The following NOX3 variants were observed in gnomAD, a reference collection of about 807,000 sequenced individuals.
NOX3 encodes NADPH oxidase 3.
NOX3 carries 74 observed loss-of-function variants against 76.7 expected under a neutral mutation model. The observed-to-expected ratio is 0.96, with a 90% CI of 0.80 to 1.17. The LOEUF is 1.17. Ranked by LOEUF, NOX3 falls within the 50% of genes most tolerant of loss-of-function variation. NOX3 has a pLI of 0.00. For synonymous variants in NOX3, 263 were observed against 261.1 expected (o/e 1.01, Z -0.07); for missense variants, 695 against 703.3 (o/e 0.99, Z 0.13).
At chr6:155,446,104 C>G (rs79747357) in intron 4 of NOX3, among the ~76,000 whole-genome samples, 2 of 151,050 alleles carry the variant, frequency 1.3e-5, no homozygotes, top group Non-Finnish European at 2.9e-5. Context: ...ATAGTGTTTC[C>G]GCATCGTGAT....
chr6:155,436,143 C>T (rs1302864564), intron 7 of NOX3, among the ~76,000 whole-genome samples: 1 of 152,148 alleles, frequency 6.6e-6, no homozygotes, highest in Non-Finnish European at 1.5e-5. Context: ...AGGCTGACTC[C>T]TCCAGGGACA....
intron 10 of NOX3, among the ~76,000 whole-genome samples, chr6:155,417,499 T>A (rs1230831835): frequency 6.6e-6 from 1 of 152,114 alleles, no homozygotes; most frequent in Non-Finnish European, 1.5e-5. Context: ...CACAGAGCAA[T>A]GGTGAGGGCT....
chr6:155,423,059 T>G (rs1776711564), intron 9 of NOX3, among the ~76,000 whole-genome samples: 1 of 152,200 alleles, frequency 6.6e-6, no homozygotes, highest in Non-Finnish European at 1.5e-5. Flanking sequence ...ACAACGAGGT[T>G]GTCCTGGCCC....
chr6:155,443,835 T>C (rs1224869180), intron 4 of NOX3, among the ~76,000 whole-genome samples: 3 of 149,878 alleles, frequency 2.0e-5, no homozygotes, highest in African/African-American at 4.9e-5. Context: ...TATATGATAC[T>C]GTACAAAAAT....
At chr6:155,398,781 A>G (rs749774145) in intron 12 of NOX3, among the ~76,000 whole-genome samples, 5 of 152,160 alleles carry the variant, frequency 3.3e-5, no homozygotes, top group Non-Finnish European at 7.3e-5. Context: ...GGGCATGTCA[A>G]TTACCTTCAC....
intron 12 of NOX3, among the ~76,000 whole-genome samples, chr6:155,403,829 T>C (rs938134339): frequency 6.6e-6 from 1 of 152,224 alleles, no homozygotes; most frequent in African/African-American, 2.4e-5. Flanking sequence ...TCCGTGTTCC[T>C]GGCTCATGCC....
intron 4 of NOX3, among the ~76,000 whole-genome samples, chr6:155,446,469 T>A (rs913594019): frequency 6.6e-6 from 1 of 152,194 alleles, no homozygotes; most frequent in African/African-American, 2.4e-5. Context: ...TTACCTGATT[T>A]AACCCTCCTC....
chr6:155,429,177 T>C, intron 8 of NOX3, 130 bp from the exon 9 acceptor site: 1 of 857,782 alleles, frequency 1.2e-6, no homozygotes. Flanking sequence ...CCATCTGCTG[T>C]TAGCTCCCAA....
At chr6:155,426,256 C>T (rs1158890627) in intron 9 of NOX3, among the ~76,000 whole-genome samples, 2 of 152,120 alleles carry the variant, frequency 1.3e-5, no homozygotes, top group East Asian at 3.9e-4. Context: ...TCATTTTTAT[C>T]GAGCCCATAA....
chr6:155,411,574 A>G (rs975001252), intron 10 of NOX3, among the ~76,000 whole-genome samples: 11 of 152,228 alleles, frequency 7.2e-5, no homozygotes, highest in Non-Finnish European at 1.5e-4. Flanking sequence ...GAGTGAATTC[A>G]GAGAGTCAGG....
chr6:155,400,383 A>T (rs937208740), intron 12 of NOX3, among the ~76,000 whole-genome samples: 6 of 144,064 alleles, frequency 4.2e-5, no homozygotes, highest in African/African-American at 5.4e-5. Context: ...AACCCTATTT[A>T]AAAAAAAGCA....
At chr6:155,413,490 A>G (rs1246976629) in intron 10 of NOX3, among the ~76,000 whole-genome samples, 1 of 151,826 alleles carries the variant, frequency 6.6e-6, no homozygotes, top group Non-Finnish European at 1.5e-5. Flanking sequence ...TGGCTGCTGT[A>G]TTGAGAATAG....
At chr6:155,444,429 T>G (rs1029220230) in intron 4 of NOX3, among the ~76,000 whole-genome samples, 1 of 152,224 alleles carries the variant, frequency 6.6e-6, no homozygotes, top group East Asian at 1.9e-4. Context: ...ATCCTTATTT[T>G]ACTTAAAAAT....
At chr6:155,422,053 C>T (rs548955553) in intron 10 of NOX3, among the ~76,000 whole-genome samples, 1 of 152,208 alleles carries the variant, frequency 6.6e-6, no homozygotes, top group Non-Finnish European at 1.5e-5. Context: ...ATCCTCACTC[C>T]TCCTGCATTC....
At chr6:155,417,467 A>T (rs1562461838) in intron 10 of NOX3, among the ~76,000 whole-genome samples, 1 of 152,242 alleles carries the variant, frequency 6.6e-6, no homozygotes, top group South Asian at 2.1e-4. Context: ...GATATTAAAC[A>T]TATTAATACT....
intron 5 of NOX3, among the ~76,000 whole-genome samples, 162 bp from the exon 6 acceptor site, chr6:155,440,299 G>A (rs1406091157): frequency 6.6e-6 from 1 of 151,778 alleles, no homozygotes; most frequent in East Asian, 1.9e-4. Flanking sequence ...TAGCCTCAGC[G>A]AGGATGCAGG....
intron 11 of NOX3, among the ~76,000 whole-genome samples, chr6:155,409,370 G>A (rs1776511606): frequency 6.6e-6 from 1 of 152,210 alleles, no homozygotes; most frequent in Non-Finnish European, 1.5e-5. Context: ...GACACAGCTA[G>A]TGAGTGGGAG....
At chr6:155,405,741 G>A (rs757965180) in intron 12 of NOX3, among the ~76,000 whole-genome samples, 11 of 152,064 alleles carry the variant, frequency 7.2e-5, no homozygotes, top group Non-Finnish European at 1.3e-4. Flanking sequence ...CAAAGACTCC[G>A]GAATCTAACC....
chr6:155,414,064 G>T (rs181050027), intron 10 of NOX3, among the ~76,000 whole-genome samples: 1 of 152,154 alleles, frequency 6.6e-6, no homozygotes, highest in East Asian at 1.9e-4. Context: ...TTGCTTCCTC[G>T]TAATGGCTTT....
Sources: gnomAD v4.1 joint callset for allele counts (sites outside exome capture counted in the v4.1 genomes callset) on GRCh38, gnomAD v4.1.1 for gene constraint, MANE v1.5 for transcripts, NCBI Gene and HGNC (gene_info 2026-07-23, HGNC 2026-07-21) for gene names.